The following KCNQ1 variants were observed in gnomAD, a reference collection of about 807,000 sequenced individuals.
KCNQ1 encodes the protein potassium voltage-gated channel subfamily KQT member 1.
A neutral mutation model predicts 72.4 loss-of-function variants in KCNQ1; 49 were observed. That is an observed-to-expected ratio of 0.68 (90% confidence interval 0.54 to 0.86). The LOEUF is 0.86. Ranked by LOEUF, KCNQ1 falls within the 40% of genes least tolerant of loss-of-function variation. The pLI is 0.00. For missense variants in KCNQ1, 790 were observed against 945.1 expected (o/e 0.84, Z 2.15); for synonymous variants, 450 against 412.6 (o/e 1.09, Z -1.10).
In KCNQ1 at chr11:2,642,468, G is replaced by C. The variant is rs1849594450; in HGVS notation, c.1394-19493G>C. The C allele has an allele frequency of 2.5e-6, 1 of 397,932 alleles. No homozygotes were observed. Among genetic ancestry groups the C allele is most frequent in the Non-Finnish European group, 4.4e-6 (1 of 225,708 alleles). 24.7% of individuals were successfully genotyped at this position (397,932 alleles called of 1,614,324 possible). A position where few individuals can be genotyped will look rare whatever the true frequency, so the allele number is the denominator to read the frequency against. Reference sequence around the variant, plus strand: ...ATCCTGTAACTGTAATCAATTTATTGATCAGACTGAAGAGTTTTGATTTTT... The same window carrying C: ...ATCCTGTAACTGTAATCAATTTATTCATCAGACTGAAGAGTTTTGATTTTT... On this transcript the variant is annotated intron_variant, in intron 10 of 15. Coordinates refer to ENST00000155840, the MANE Select transcript of KCNQ1 (RefSeq NM_000218.3). This position sits in a 1 kb window ranked among gnomAD's most constrained non-coding sequence, Gnocchi z 4.3.
intron 10 of KCNQ1, chr11:2,615,674 T>G (rs1849049023): frequency 2.5e-6 from 1 of 397,976 alleles, no homozygotes; most frequent in African/African-American, 2.1e-5. Flanking sequence ...ATTAATGTGG[T>G]GTATTACATT....
chr11:2,844,255 G>A (rs1848273028), intron 15 of KCNQ1, among the ~76,000 whole-genome samples: 1 of 152,230 alleles, frequency 6.6e-6, no homozygotes, highest in South Asian at 2.1e-4. Context: ...GCCCAGGCCT[G>A]GGCCCTTCCC....
chr11:2,686,857 A>T, intron 11 of KCNQ1: 1 of 398,666 alleles, frequency 2.5e-6, no homozygotes, highest in Non-Finnish European at 4.4e-6. Flanking sequence ...CTCTGGCCAG[A>T]GGCCCTGGTT....
intron 15 of KCNQ1, among the ~76,000 whole-genome samples, chr11:2,779,916 G>A (rs774801956): frequency 2.0e-5 from 3 of 152,208 alleles, no homozygotes; most frequent in Non-Finnish European, 2.9e-5. Flanking sequence ...AGCATTTTCC[G>A]GAGTCCCTGA....
chr11:2,748,247 G>A lies in KCNQ1; in HGVS notation c.1515-20597G>A, dbSNP rs1159515081. On this transcript the variant is annotated intron_variant, in intron 11 of 15. Transcript: ENST00000155840. This position sits in a 1 kb window ranked among gnomAD's most constrained non-coding sequence, Gnocchi z 6.2. ...CAGACCTCGGGCGAGGGAGAAGCAA[G>A]TTCCCCTCAGGAATGCTGGTGAAGC... 2.0e-5 allele frequency among the ~76,000 whole-genome samples: 3 copies of A among 152,148 alleles called. No individual in the cohort carries two copies. Among genetic ancestry groups the A allele is most frequent in the African/African-American group, 7.2e-5 (3 of 41,424 alleles).
intron 11 of KCNQ1, chr11:2,665,228 TG>T: frequency 2.5e-6 from 1 of 398,584 alleles, no homozygotes; most frequent in Non-Finnish European, 4.4e-6. Context: ...CTAGGTTGAA[TG>T]GGGCACAAGA....
chr11:2,714,080 GC>G (rs1851050025), intron 11 of KCNQ1, among the ~76,000 whole-genome samples: 1 of 152,164 alleles, frequency 6.6e-6, no homozygotes, highest in South Asian at 2.1e-4. Context: ...AAGGATGCGG[GC>G]CAGGACTCTT....
intron 10 of KCNQ1, among the ~76,000 whole-genome samples, chr11:2,589,274 C>T (rs1848639382): frequency 6.6e-6 from 1 of 152,196 alleles, no homozygotes; most frequent in Non-Finnish European, 1.5e-5. Flanking sequence ...GGAGGAGCAG[C>T]ACCAGGCCCG....
intron 1 of KCNQ1, among the ~76,000 whole-genome samples, chr11:2,517,508 C>T (rs1248624137): frequency 6.6e-6 from 1 of 152,184 alleles, no homozygotes; most frequent in Non-Finnish European, 1.5e-5. Flanking sequence ...TGGCGCCTCA[C>T]CTCTCTGTCT....
chr11:2,734,141 C>A lies in KCNQ1; in HGVS notation c.1515-34703C>A, dbSNP rs1262814054. On this transcript the variant is annotated intron_variant, in intron 11 of 15. Coordinates refer to ENST00000155840, the MANE Select transcript of KCNQ1 (RefSeq NM_000218.3). The surrounding 1 kb of genome is among the most constrained non-coding windows in gnomAD (Gnocchi z 7.0). ...ACTGGCAGGGGTGGTCCTGCTCCGG[C>A]CCCAGGGCCCGCAGGTGTGTGTGAG... is the stretch of plus-strand genomic sequence containing the variant. Among the ~76,000 whole-genome samples, 8 of 152,126 alleles carry A rather than the reference C, an allele frequency of 5.3e-5. No individual in the cohort carries two copies. The highest frequency in any genetic ancestry group is 1.9e-4 in the African/African-American group (8 of 41,424).
intron 11 of KCNQ1, among the ~76,000 whole-genome samples, chr11:2,747,512 C>T (rs905596746): frequency 3.3e-5 from 5 of 152,186 alleles, no homozygotes; most frequent in Non-Finnish European, 7.3e-5. Context: ...CCAGTGCCCA[C>T]TGATCTATTC....
chr11:2,691,042 T>C lies in KCNQ1; in HGVS notation c.1514+28961T>C. On this transcript the variant is annotated intron_variant, in intron 11 of 15. Coordinates refer to ENST00000155840, the MANE Select transcript of KCNQ1 (RefSeq NM_000218.3). This position sits in a 1 kb window ranked among gnomAD's most constrained non-coding sequence, Gnocchi z 6.4. ...AACTCTTGGCTCAGGTATCAGGATA[T>C]GCTGGGTGAGGGAAATAATGGAGGC... 2.5e-6 allele frequency: 1 copy of C among 398,606 alleles called. No individual in the cohort carries two copies. The allele number at this position is 398,606 out of a possible 1,614,324, so 24.7% of individuals were successfully genotyped here.
chr11:2,621,411 A>T lies in KCNQ1; in HGVS notation c.1393+32557A>T. The T allele has an allele frequency of 2.5e-6, 1 of 398,550 alleles. No homozygotes were observed. The highest frequency in any genetic ancestry group is 4.4e-6 in the Non-Finnish European group (1 of 226,034). The allele number at this position is 398,550 out of a possible 1,614,324, so 24.7% of individuals were successfully genotyped here. ...TGGATTATTCGTTTTTTGCTTGTTG[A>T]TTGGTTTAAGTTCCTTATGGATTCT... On this transcript the variant is annotated intron_variant, in intron 10 of 15. Transcript: ENST00000155840. This position sits in a 1 kb window ranked among gnomAD's most constrained non-coding sequence, Gnocchi z 5.7.
rs1214322334 is a variant in KCNQ1 at position 2,509,854 on chromosome 11, T to C, written c.387-18074T>C. On this transcript the variant is annotated intron_variant, in intron 1 of 15. Transcript: ENST00000155840. This position sits in a 1 kb window ranked among gnomAD's most constrained non-coding sequence, Gnocchi z 6.3. ...GCGGGGCCGGCCAATGGTGGCGTGA[T>C]GCAGCCTGGCTTGGGAAATGCCCAT... Among the ~76,000 whole-genome samples, 4 of 152,176 alleles carry C rather than the reference T, an allele frequency of 2.6e-5. No homozygotes were observed.
chr11:2,722,781 A>C (rs1264166210), intron 11 of KCNQ1, among the ~76,000 whole-genome samples: 2 of 152,074 alleles, frequency 1.3e-5, no homozygotes, highest in Non-Finnish European at 2.9e-5. Context: ...CCCTGTGACC[A>C]AGACCCTTCC....
intron 10 of KCNQ1, chr11:2,614,044 A>G (rs926147564): frequency 3.8e-5 from 15 of 398,492 alleles, no homozygotes; most frequent in African/African-American, 2.9e-4. Context: ...TGACTGTGCT[A>G]TAACCTTTCA....
intron 11 of KCNQ1, among the ~76,000 whole-genome samples, chr11:2,737,576 A>G (rs928340719): frequency 4.6e-5 from 7 of 152,214 alleles, no homozygotes; most frequent in Non-Finnish European, 1.0e-4. Context: ...AAAGTCTCCT[A>G]ATTATATTTA....
chr11:2,702,367 T>C (rs1037259661), intron 11 of KCNQ1, among the ~76,000 whole-genome samples: 4 of 152,218 alleles, frequency 2.6e-5, no homozygotes, highest in African/African-American at 9.6e-5. Context: ...CCAGCCTTTG[T>C]TGTTGTGTTC....
At chr11:2,637,434 G>C (rs1274956473) in intron 10 of KCNQ1, 1 of 152,058 alleles carries the variant, frequency 6.6e-6, no homozygotes, top group African/African-American at 2.4e-5. Context: ...CCTTCATTTC[G>C]TTATGTACCC....
Sources: allele counts gnomAD v4.1 joint callset (sites outside exome capture counted in the v4.1 genomes callset), GRCh38; gene constraint gnomAD v4.1.1; non-coding constraint Gnocchi (gnomAD v3.1); transcripts MANE v1.5; gene names NCBI Gene and HGNC (gene_info 2026-07-23, HGNC 2026-07-21).